The following SYT16 variants were observed in gnomAD, a reference collection of about 807,000 sequenced individuals.
SYT16 encodes synaptotagmin-16.
A neutral mutation model predicts 61.4 loss-of-function variants in SYT16; 42 were observed. The ratio of observed to expected loss-of-function variants is 0.68; its 90% CI spans 0.53 to 0.89. The LOEUF (loss-of-function observed/expected upper bound fraction) is 0.89. Among genes scored for constraint, SYT16 ranks in the 40% least tolerant of loss-of-function variants. The pLI, the probability that SYT16 is intolerant of heterozygous loss-of-function variation, is 0.00. For synonymous variants in SYT16, 314 were observed against 302.3 expected (o/e 1.04, Z -0.40); for missense variants, 804 against 807.3 (o/e 1.00, Z 0.05).
intron 1 of SYT16, among the ~76,000 whole-genome samples, chr14:61,822,158 T>G (rs999932509): frequency 1.3e-5 from 2 of 152,128 alleles, no homozygotes; most frequent in Non-Finnish European, 2.9e-5. Flanking sequence ...CAGCTCCCAG[T>G]CTGAGGTCAA....
intron 1 of SYT16, among the ~76,000 whole-genome samples, chr14:61,969,512 C>T (rs1170319247): frequency 6.6e-6 from 1 of 152,074 alleles, no homozygotes; most frequent in Non-Finnish European, 1.5e-5. Flanking sequence ...TTTCATCTGC[C>T]AAAATTCTAA....
chr14:61,966,746 T>C (rs1299506699), intron 1 of SYT16, among the ~76,000 whole-genome samples: 1 of 152,252 alleles, frequency 6.6e-6, no homozygotes, highest in African/African-American at 2.4e-5. Context: ...TTTCTGCTTA[T>C]ACATGAATCC....
rs549892176 is a variant in SYT16, at chr14:62,100,600, G to T, written c.1831G>T (p.Ala611Ser). 171 of 1,613,790 alleles carry T rather than the reference G, an allele frequency of 1.1e-4. 4 individuals carry two copies. The South Asian group carries it at 1.8e-3, about 17-fold the overall frequency. Residue 611 changes from alanine to serine, a missense_variant, in exon 8 of 8, where the codon GCC becomes TCC. Coordinates refer to ENST00000683842, the MANE Select transcript of SYT16 (RefSeq NM_001367656.1). ...MKRKEMIGWI[A>S]LGQNSSGEEE... ...GCGTAAAGAGATGATTGGCTGGATTGCCCTGGGCCAGAACAGCAGTGGAGA... is the reference window on the plus strand; with the variant it reads ...GCGTAAAGAGATGATTGGCTGGATTTCCCTGGGCCAGAACAGCAGTGGAGA...
At chr14:62,036,920 A>G (rs539324518) in intron 3 of SYT16, among the ~76,000 whole-genome samples, 18 of 152,278 alleles carry the variant, frequency 1.2e-4, no homozygotes, top group Non-Finnish European at 2.4e-4. Flanking sequence ...AAGAGATGGT[A>G]GAAGAAATGA....
intron 1 of SYT16, among the ~76,000 whole-genome samples, chr14:61,911,538 A>G (rs2140382157): frequency 6.6e-6 from 1 of 152,350 alleles, no homozygotes; most frequent in Admixed American, 6.5e-5. Flanking sequence ...CATCATTGAA[A>G]TGAAAGAACC....
chr14:61,882,531 G>T (rs1340324148), intron 1 of SYT16, among the ~76,000 whole-genome samples: 1 of 152,066 alleles, frequency 6.6e-6, no homozygotes, highest in Non-Finnish European at 1.5e-5. Flanking sequence ...TTAACACATG[G>T]GGATTACAGA....
chr14:61,863,028 G>T (rs1324585211), intron 1 of SYT16, among the ~76,000 whole-genome samples: 3 of 152,140 alleles, frequency 2.0e-5, no homozygotes, highest in Non-Finnish European at 2.9e-5. Context: ...CCTATTGAGG[G>T]ACATCTTGGT....
Position 62,100,760 on chromosome 14 carries a change from G to A in SYT16, c.*53G>A. 6.4e-7 allele frequency: 1 copy of A among 1,551,398 alleles called. No homozygotes were observed. ...GTCCACCTTGGTTACCTGTGTTGCTGTCTACTGACACTAAGTGTCCTGGCA... is the reference window on the plus strand; with the variant it reads ...GTCCACCTTGGTTACCTGTGTTGCTATCTACTGACACTAAGTGTCCTGGCA... On this transcript the variant is annotated 3_prime_UTR_variant, in exon 8 of 8. Transcript: ENST00000683842.
At chr14:62,069,499 A>T in intron 3 of SYT16, 104 bp from the exon 4 acceptor site, 1 of 1,200,468 alleles carries the variant, frequency 8.3e-7, no homozygotes. Flanking sequence ...GCCTTCGTTC[A>T]AACTCATTGT....
rs781653833 is a variant in SYT16 at position 62,110,327 on chromosome 14, T to C, written c.*9620T>C. 2 of 152,112 alleles carry C rather than the reference T, an allele frequency of 1.3e-5. No homozygotes were observed. The highest frequency in any genetic ancestry group is 2.9e-5 in the Non-Finnish European group (2 of 67,964). The allele number at this position is 152,112 out of a possible 1,614,324, so 9.4% of individuals were successfully genotyped here. A position where few individuals can be genotyped will look rare whatever the true frequency, so the allele number is the denominator to read the frequency against. ...TTTACCTATTTTTACCAGGTGGTTGTAGGAACAGGATTCATTCATTCCTTC... is the reference window on the plus strand; with the variant it reads ...TTTACCTATTTTTACCAGGTGGTTGCAGGAACAGGATTCATTCATTCCTTC... On this transcript the variant is annotated 3_prime_UTR_variant, in exon 8 of 8. Transcript: ENST00000683842.
chr14:61,925,669 G>A (rs1162084244), intron 1 of SYT16, among the ~76,000 whole-genome samples: 1 of 152,070 alleles, frequency 6.6e-6, no homozygotes, highest in Non-Finnish European at 1.5e-5. Flanking sequence ...GCTTTATTTT[G>A]ACCATCTTTC....
Position 61,817,573 on chromosome 14 carries a change from A to G in SYT16, c.-325+4763A>G, listed in dbSNP as rs74054902. Among the ~76,000 whole-genome samples the G allele has an allele frequency of 1.8e-3, 270 of 152,326 alleles. 1 individual carries two copies. The highest frequency in any genetic ancestry group is 6.1e-3 in the African/African-American group (253 of 41,570). On this transcript the variant is annotated intron_variant, in intron 1 of 7. Transcript: ENST00000683842. ...ATCAGACAAAGGCAAATCAAGAGACATTCTGTAAGTCAGTGTCATGAAAGA... is the reference window on the plus strand; with the variant it reads ...ATCAGACAAAGGCAAATCAAGAGACGTTCTGTAAGTCAGTGTCATGAAAGA...
chr14:62,019,066 C>T (rs1173734558), intron 3 of SYT16, among the ~76,000 whole-genome samples: 1 of 152,152 alleles, frequency 6.6e-6, no homozygotes, highest in Non-Finnish European at 1.5e-5. Flanking sequence ...TACTGTGAGA[C>T]ATTTTTAGTT....
At chr14:62,001,048 T>C (rs1418865095) in intron 3 of SYT16, among the ~76,000 whole-genome samples, 6 of 151,918 alleles carry the variant, frequency 3.9e-5, no homozygotes, top group African/African-American at 1.4e-4. Context: ...GGTGACAGAT[T>C]GAGACCCCAT....
In SYT16 at chr14:62,104,220, A is replaced by T. The variant is rs2057473563; in HGVS notation, c.*3513A>T. The T allele has an allele frequency of 6.6e-6, 1 of 152,318 alleles. No homozygotes were observed. The highest frequency in any genetic ancestry group is 6.5e-5 in the Admixed American group (1 of 15,298). The allele number at this position is 152,318 out of a possible 1,614,324, so 9.4% of individuals were successfully genotyped here. ...ATCCTTTTGCAGCAGAGGACTTAGT[A>T]TTTTAAAAACAGAAAAGTAAGTAGG... On this transcript the variant is annotated 3_prime_UTR_variant, in exon 8 of 8. Coordinates refer to ENST00000683842, the MANE Select transcript of SYT16 (RefSeq NM_001367656.1).
intron 3 of SYT16, among the ~76,000 whole-genome samples, chr14:62,002,473 T>C (rs1319195106): frequency 3.3e-5 from 5 of 152,098 alleles, no homozygotes; most frequent in East Asian, 1.9e-4. Flanking sequence ...AAGCCTGTTA[T>C]TATGCATTAC....
chr14:62,026,847 T>A (rs1348935948), intron 3 of SYT16, among the ~76,000 whole-genome samples: 1 of 152,184 alleles, frequency 6.6e-6, no homozygotes, highest in Non-Finnish European at 1.5e-5. Flanking sequence ...ACTTTAAAAT[T>A]AGGTGTCCTT....
chr14:62,051,059 GC>G (rs1462269157), intron 3 of SYT16, among the ~76,000 whole-genome samples: 1 of 152,218 alleles, frequency 6.6e-6, no homozygotes, highest in African/African-American at 2.4e-5. Context: ...GCTATGCCTT[GC>G]CCCCAGAGGT....
rs762849490 is a variant in SYT16 at position 62,110,196 on chromosome 14, GT to G, written c.*9491del. ...TTGGATTAAAGTTGATGAGGCCTGTGTTCTGATATCAAATCTTCCACTAATG... is the reference window on the plus strand; with the variant it reads ...TTGGATTAAAGTTGATGAGGCCTGTGTCTGATATCAAATCTTCCACTAATG... On this transcript the variant is annotated 3_prime_UTR_variant, in exon 8 of 8. Coordinates refer to ENST00000683842, the MANE Select transcript of SYT16 (RefSeq NM_001367656.1). The G allele has an allele frequency of 1.3e-5, 2 of 152,116 alleles. No homozygotes were observed. Among genetic ancestry groups the G allele is most frequent in the Non-Finnish European group, 2.9e-5 (2 of 68,012 alleles). 9.4% of individuals were successfully genotyped at this position (152,116 alleles called of 1,614,324 possible).
Sources: gnomAD v4.1 joint callset for allele counts (sites outside exome capture counted in the v4.1 genomes callset) on GRCh38, gnomAD v4.1.1 for gene constraint, MANE v1.5 for transcripts, NCBI Gene and HGNC (gene_info 2026-07-23, HGNC 2026-07-21) for gene names.